PFKFB2: variants seen among roughly 807,000 people sequenced by gnomAD.
PFKFB2 encodes 6-phosphofructo-2-kinase/fructose-2,6-bisphosphatase 2.
Under a neutral mutation model 68.0 loss-of-function variants are expected in PFKFB2, and 53 were observed. The ratio of observed to expected loss-of-function variants is 0.78; its 90% CI spans 0.63 to 0.98. The LOEUF is 0.98. Among genes scored for constraint, PFKFB2 ranks in the 50% least tolerant of loss-of-function variants. The pLI, the probability that PFKFB2 is intolerant of heterozygous loss-of-function variation, is 0.00. For missense variants in PFKFB2, 451 were observed against 642.0 expected (o/e 0.70, Z 3.22); for synonymous variants, 222 against 227.6 (o/e 0.98, Z 0.22).
chr1:207,052,335 G>A (rs1682774008), upstream of PFKFB2: 38 of 1,046,814 alleles, frequency 3.6e-5, no homozygotes, highest in South Asian at 4.8e-4. Flanking sequence ...TGGGTTAGGG[G>A]GTAGGTAGGA....
intron 2 of PFKFB2, chr1:207,045,460 G>T (rs1398276645): frequency 1.3e-5 from 2 of 152,308 alleles, no homozygotes; most frequent in Non-Finnish European, 2.9e-5. Flanking sequence ...GTACTTTAAT[G>T]TCCTTAATTA....
chr1:207,055,684 A>G (rs888290352), intron 2 of PFKFB2, among the ~76,000 whole-genome samples: 2 of 152,032 alleles, frequency 1.3e-5, no homozygotes, highest in African/African-American at 4.8e-5. Flanking sequence ...CAAGGAATAT[A>G]TATATCTCAG....
chr1:207,047,109 G>T (rs1219161001), intron 2 of PFKFB2: 4 of 152,526 alleles, frequency 2.6e-5, no homozygotes, highest in Admixed American at 2.6e-4. Context: ...ATCCAGATCA[G>T]ATGAGAGTCA....
chr1:207,057,233 G>T (rs1251415152), intron 2 of PFKFB2, among the ~76,000 whole-genome samples: 1 of 148,502 alleles, frequency 6.7e-6, no homozygotes, highest in Non-Finnish European at 1.5e-5. Flanking sequence ...GGATCATGAG[G>T]TCAGGAGATC....
chr1:207,071,477 C>A, intron 13 of PFKFB2, 32 bp from the exon 14 acceptor site: 1 of 1,584,592 alleles, frequency 6.3e-7, no homozygotes, highest in African/African-American at 1.3e-5. Context: ...GAACCTTTTT[C>A]TTTAAGTCCT....
chr1:207,042,852 A>C (rs76468397), intron 2 of PFKFB2, among the ~76,000 whole-genome samples: 4,255 of 152,210 alleles, frequency 0.028, 100 homozygotes, highest in Non-Finnish European at 0.047. Flanking sequence ...TTGTTCTACA[A>C]ATCTTCTCTG....
At chr1:207,038,065 C>G (rs1002790706) in intron 1 of PFKFB2, among the ~76,000 whole-genome samples, 2 of 152,204 alleles carry the variant, frequency 1.3e-5, no homozygotes, top group African/African-American at 4.8e-5. Context: ...CTCTTCTCCA[C>G]AGGGCAGTTA....
At chr1:207,068,373 T>A in intron 10 of PFKFB2, 64 bp downstream of exon 10, 2 of 1,393,670 alleles carry the variant, frequency 1.4e-6, no homozygotes, top group Non-Finnish European at 9.6e-7. Context: ...CTCTCAGAAG[T>A]CACTATTTAG....
chr1:207,057,628 A>G (rs1300051911), intron 2 of PFKFB2, among the ~76,000 whole-genome samples: 1 of 152,050 alleles, frequency 6.6e-6, no homozygotes, highest in South Asian at 2.1e-4. Context: ...AAAAATTCAA[A>G]CTACAGAAAG....
intron 2 of PFKFB2, among the ~76,000 whole-genome samples, chr1:207,043,001 A>T (rs1682509365): frequency 6.6e-6 from 1 of 152,092 alleles, no homozygotes. Context: ...CACCATGGTG[A>T]TAGCCACGAT....
upstream of PFKFB2, chr1:207,048,826 T>G (rs1213304602): frequency 1.7e-6 from 1 of 597,314 alleles, no homozygotes; most frequent in East Asian, 2.9e-5. Flanking sequence ...AGTTTACCAC[T>G]GTAGACACAC....
At chr1:207,035,212 T>C in intron 1 of PFKFB2, 2 of 985,598 alleles carry the variant, frequency 2.0e-6, no homozygotes, top group Non-Finnish European at 2.4e-6. Flanking sequence ...TGTGGTCATC[T>C]CTTTGACTGT....
At chr1:207,036,671 A>G (rs984754361) in intron 1 of PFKFB2, among the ~76,000 whole-genome samples, 14 of 152,152 alleles carry the variant, frequency 9.2e-5, no homozygotes, top group Admixed American at 6.5e-4. Context: ...CTTCCTCTGC[A>G]CCCATTTTCT....
chr1:207,035,150 G>T, intron 1 of PFKFB2: 1 of 985,450 alleles, frequency 1.0e-6, no homozygotes, highest in Non-Finnish European at 1.2e-6. Context: ...ACTAATTACA[G>T]CCCAGCTCAC....
intron 7 of PFKFB2, 138 bp from the exon 8 acceptor site, chr1:207,064,898 C>T (rs1444779137): frequency 3.0e-6 from 3 of 985,922 alleles, no homozygotes; most frequent in Non-Finnish European, 4.4e-6. Context: ...GGGGGGTACT[C>T]AATGAGTGGA....
upstream of PFKFB2, chr1:207,051,210 A>T: frequency 8.1e-7 from 1 of 1,235,128 alleles, no homozygotes; most frequent in Non-Finnish European, 1.1e-6. Flanking sequence ...AGAGCGAGTG[A>T]GGTGCCCTCC....
intron 1 of PFKFB2, among the ~76,000 whole-genome samples, chr1:207,039,546 T>G (rs1014313919): frequency 6.6e-6 from 1 of 152,236 alleles, no homozygotes; most frequent in African/African-American, 2.4e-5. Flanking sequence ...AAATAAACCC[T>G]GACAAATTCT....
chr1:207,053,876 T>A (rs1175715485), intron 1 of PFKFB2, among the ~76,000 whole-genome samples: 1 of 151,560 alleles, frequency 6.6e-6, no homozygotes, highest in African/African-American at 2.4e-5. Flanking sequence ...CTCACTTTTT[T>A]CTTTTCTTTC....
intron 1 of PFKFB2, among the ~76,000 whole-genome samples, chr1:207,040,990 G>A (rs1465884938): frequency 2.1e-5 from 3 of 146,248 alleles, no homozygotes; most frequent in Non-Finnish European, 3.0e-5. Context: ...GTGCAGTGGC[G>A]CTATCTCGGC....
Sources: allele counts gnomAD v4.1 joint callset (sites outside exome capture counted in the v4.1 genomes callset), GRCh38; gene constraint gnomAD v4.1.1; transcripts MANE v1.5; gene names NCBI Gene and HGNC (gene_info 2026-07-23, HGNC 2026-07-21).